LMO4: variants seen among roughly 807,000 people sequenced by gnomAD.
LMO4 encodes the protein LIM domain transcription factor LMO4.
A neutral mutation model predicts 18.5 loss-of-function variants in LMO4; 3 were observed. That is an observed-to-expected ratio of 0.16 (90% CI 0.07 to 0.42). LMO4 has a LOEUF of 0.42. Among genes scored for constraint, LMO4 ranks in the 10% least tolerant of loss-of-function variants. The pLI is 0.99. For synonymous variants in LMO4, 100 were observed against 88.1 expected, an observed-to-expected ratio of 1.14 and a Z score of -0.76; for missense variants, 121 against 219.9, an observed-to-expected ratio of 0.55 and a Z score of 2.84.
At chr1:87,341,140 A>G (rs929408474) in intron 4 of LMO4, among the ~76,000 whole-genome samples, 5 of 152,320 alleles carry the variant, frequency 3.3e-5, no homozygotes, top group South Asian at 4.1e-4. Flanking sequence ...AGTGAAATGT[A>G]TGACTCGTGT....
intron 1 of LMO4, among the ~76,000 whole-genome samples, chr1:87,330,571 CTT>C (rs2100772362): frequency 6.6e-6 from 1 of 152,304 alleles, no homozygotes; most frequent in South Asian, 2.1e-4. Flanking sequence ...TTCCGGGACT[CTT>C]TCGGAGGAAA....
rs1420329824 is a variant in LMO4, at chr1:87,348,756, T to TTA, written c.*3961_*3962insAT. ...CTTTATGCTAGTAGATATGTGCATG[T>TTA]TTCCTAGAGGGAATGTTTTCAAGTT... On this transcript the variant is annotated 3_prime_UTR_variant, in exon 5 of 5. Coordinates refer to ENST00000370544, the MANE Select transcript of LMO4 (RefSeq NM_006769.4). The TTA allele has an allele frequency of 1.2e-5, 6 of 516,602 alleles. No individual in the cohort carries two copies. The highest frequency in any genetic ancestry group is 2.3e-5 in the Non-Finnish European group (6 of 258,922). The allele number at this position is 516,602 out of a possible 1,614,324, so 32.0% of individuals were successfully genotyped here. A position where few individuals can be genotyped will look rare whatever the true frequency, so the allele number is the denominator to read the frequency against.
intron 2 of LMO4, among the ~76,000 whole-genome samples, chr1:87,335,430 CCCAGCCGGCGGGCGGTCTCGGGCCCA>C (rs1650277562): frequency 6.6e-6 from 1 of 151,826 alleles, no homozygotes; most frequent in South Asian, 2.1e-4. Flanking sequence ...AGCCAGAGCG[CCCAGCCGGCGGGCGGTCTCGGGCCCA>C]CGAGGGGGCG....
Position 87,332,056 on chromosome 1 carries a change from C to G in LMO4, c.41C>G (p.Thr14Arg). 6.2e-7 allele frequency: 1 copy of G among 1,613,404 alleles called. No homozygotes were observed. The highest frequency in any genetic ancestry group is 1.1e-5 in the South Asian group (1 of 91,062). The change falls in exon 2 of 5, where the codon ACG becomes AGG. Residue 14 changes from threonine (T) to arginine (R), a missense_variant. Physicochemically the swap from Thr to Arg is moderately conservative, Grantham distance 71 (BLOSUM62 -1). Coordinates refer to ENST00000370544, the MANE Select transcript of LMO4 (RefSeq NM_006769.4). ...AGCAGCTCGCAGCCGCCCCCGGTGA[C>G]GGCCGGCTCCCTCTCCTGGAAGCGG... ...PGSSSQPPPV[T>R]AGSLSWKRCA...
rs1570272454 is a variant in LMO4 at position 87,347,896 on chromosome 1, T to A, written c.*3100T>A. The A allele has an allele frequency of 1.3e-5, 2 of 152,190 alleles. No homozygotes were observed. The highest frequency in any genetic ancestry group is 4.1e-4 in the South Asian group (2 of 4,834). 9.4% of individuals were successfully genotyped at this position (152,190 alleles called of 1,614,324 possible). On this transcript the variant is annotated 3_prime_UTR_variant, in exon 5 of 5. Coordinates refer to ENST00000370544, the MANE Select transcript of LMO4 (RefSeq NM_006769.4). ...CTCTTCATGATTTATTAGGAAATAG[T>A]TTAACCCGGACTGTAGTGTCTTATA...
intron 2 of LMO4, among the ~76,000 whole-genome samples, chr1:87,336,378 G>C (rs1650314583): frequency 6.6e-6 from 1 of 152,158 alleles, no homozygotes; most frequent in Admixed American, 6.5e-5. Flanking sequence ...AACACAGCCA[G>C]GTAGCGTTTC....
chr1:87,338,696 C>T (rs1157639371), intron 2 of LMO4, among the ~76,000 whole-genome samples: 1 of 152,154 alleles, frequency 6.6e-6, no homozygotes, highest in African/African-American at 2.4e-5. Flanking sequence ...TCCCCCTCCT[C>T]CCCCCATGGC....
intron 4 of LMO4, among the ~76,000 whole-genome samples, chr1:87,340,840 A>G (rs559444491): frequency 3.3e-4 from 50 of 152,334 alleles, no homozygotes; most frequent in African/African-American, 1.1e-3. Context: ...GAAATTATGT[A>G]TCTTGATTCT....
chr1:87,331,059 G>GCCCCCCCCCCCCC (rs1436098787), intron 1 of LMO4, among the ~76,000 whole-genome samples: 1 of 1,724 alleles, frequency 5.8e-4, no homozygotes, highest in African/African-American at 1.6e-3. Flanking sequence ...CTGTAACGCC[G>GCCCCCCCCCCCCC]CCCGCCCCCC....
chr1:87,336,983 C>T (rs1210248768), intron 2 of LMO4, among the ~76,000 whole-genome samples: 1 of 152,128 alleles, frequency 6.6e-6, no homozygotes, highest in African/African-American at 2.4e-5. Context: ...AAAAAACACA[C>T]ACACACACGC....
intron 2 of LMO4, among the ~76,000 whole-genome samples, chr1:87,334,181 A>G (rs1055836462): frequency 1.3e-5 from 2 of 152,158 alleles, no homozygotes; most frequent in African/African-American, 4.8e-5. Flanking sequence ...AATGGCATCT[A>G]CGTTCTTACT....
intron 2 of LMO4, among the ~76,000 whole-genome samples, chr1:87,336,977 A>AACACACAC (rs543810100): frequency 4.7e-4 from 71 of 151,878 alleles, no homozygotes; most frequent in South Asian, 4.4e-3. Flanking sequence ...GTTGTGAAAA[A>AACACACAC]ACACACACAC....
At chr1:87,334,414 G>A (rs1315354497) in intron 2 of LMO4, among the ~76,000 whole-genome samples, 1 of 152,126 alleles carries the variant, frequency 6.6e-6, no homozygotes, top group Non-Finnish European at 1.5e-5. Flanking sequence ...AGCCCATCAG[G>A]ATGTCCAAAG....
chr1:87,331,865 AGCCTCCTTCCCGCCC>A, intron 1 of LMO4, 133 bp from the exon 2 acceptor site: 10 of 626,994 alleles, frequency 1.6e-5, no homozygotes, highest in Admixed American at 1.2e-4. Context: ...TCTCCCCCTC[AGCCTCCTTCCCGCCC>A]TTGCCCTGCT....
intron 1 of LMO4, 97 bp from the exon 2 acceptor site, chr1:87,331,916 A>T: frequency 1.0e-6 from 1 of 967,226 alleles, no homozygotes; most frequent in Non-Finnish European, 1.6e-6. Context: ...CTCCGCGGGG[A>T]GGAGGGGAAT....
intron 2 of LMO4, among the ~76,000 whole-genome samples, chr1:87,336,215 T>A (rs891654803): frequency 6.6e-6 from 1 of 152,212 alleles, no homozygotes; most frequent in Non-Finnish European, 1.5e-5. Context: ...TATAGGAACC[T>A]GCTGGAAAAC....
intron 4 of LMO4, among the ~76,000 whole-genome samples, chr1:87,340,799 A>C (rs920902645): frequency 3.9e-5 from 6 of 152,226 alleles, no homozygotes; most frequent in African/African-American, 1.4e-4. Context: ...TGTTCTTGCT[A>C]ACCCGCTTAG....
rs911321466 is a variant in LMO4 at position 87,348,570 on chromosome 1, T to C, written c.*3774T>C. On this transcript the variant is annotated 3_prime_UTR_variant, in exon 5 of 5. Transcript: ENST00000370544. ...CTGAGATCTGACTAGCAGCAAAGTG[T>C]AGCACATTCGCCGATGCTGGGTACC... 1 of 411,710 alleles carries C rather than the reference T, an allele frequency of 2.4e-6. No homozygotes were observed. Among genetic ancestry groups the C allele is most frequent in the African/African-American group, 2.0e-5 (1 of 49,354 alleles). 25.5% of individuals were successfully genotyped at this position (411,710 alleles called of 1,614,324 possible).
chr1:87,332,397 G>C, intron 2 of LMO4, 146 bp downstream of exon 2: 1 of 644,146 alleles, frequency 1.6e-6, no homozygotes, highest in East Asian at 2.8e-5. Context: ...AATTTAAGGG[G>C]TTCAGGAAGC....
Sources: allele counts gnomAD v4.1 joint callset (sites outside exome capture counted in the v4.1 genomes callset), GRCh38; gene constraint gnomAD v4.1.1; transcripts MANE v1.5; gene names NCBI Gene and HGNC (gene_info 2026-07-23, HGNC 2026-07-21).